The following FGF12 variants were observed in gnomAD, a reference collection of about 807,000 sequenced individuals.
The protein encoded by FGF12 is fibroblast growth factor 12, also known as fibroblast growth factor 12B.
In FGF12, 14 loss-of-function variants were observed where a neutral mutation model predicts 23.6. The ratio of observed to expected loss-of-function variants is 0.59; its 90% CI spans 0.39 to 0.93. The LOEUF (loss-of-function observed/expected upper bound fraction) is 0.93. Ranked by LOEUF, FGF12 falls within the 40% of genes least tolerant of loss-of-function variation. The pLI is 0.00. For synonymous variants in FGF12, 62 were observed against 77.3 expected (o/e 0.80, Z 1.04); for missense variants, 175 against 217.8 (o/e 0.80, Z 1.24).
intron 4 of FGF12, among the ~76,000 whole-genome samples, chr3:192,245,780 G>T (rs1447993821): frequency 6.6e-6 from 1 of 152,168 alleles, no homozygotes; most frequent in Non-Finnish European, 1.5e-5. Flanking sequence ...CAGTAACAAT[G>T]CCTGGGGAGA....
At chr3:192,503,044 C>T (rs1724179605) in intron 2 of FGF12, among the ~76,000 whole-genome samples, 1 of 152,104 alleles carries the variant, frequency 6.6e-6, no homozygotes. Flanking sequence ...TGCGCCTCAG[C>T]GGTTCTGAGT....
intron 2 of FGF12, among the ~76,000 whole-genome samples, chr3:192,718,498 C>T (rs111592677): frequency 6.6e-6 from 1 of 152,186 alleles, no homozygotes. Flanking sequence ...AATCTTGCCT[C>T]TAATCCACTC....
chr3:192,660,550 T>A (rs994399608), intron 2 of FGF12, among the ~76,000 whole-genome samples: 3 of 151,136 alleles, frequency 2.0e-5, no homozygotes, highest in Admixed American at 6.6e-5. Context: ...GGACGTAATG[T>A]AAAGTTGTTG....
intron 2 of FGF12, among the ~76,000 whole-genome samples, chr3:192,484,711 C>G (rs1247966841): frequency 6.6e-6 from 1 of 152,156 alleles, no homozygotes; most frequent in Non-Finnish European, 1.5e-5. Context: ...GCTGAATCGA[C>G]AGGCCCACAT....
intron 4 of FGF12, among the ~76,000 whole-genome samples, chr3:192,210,006 T>C (rs1247255882): frequency 6.6e-6 from 1 of 152,232 alleles, no homozygotes; most frequent in Non-Finnish European, 1.5e-5. Context: ...CTTCTGTTTT[T>C]GCCATGGTGC....
intron 4 of FGF12, among the ~76,000 whole-genome samples, chr3:192,316,119 T>C (rs1560066380): frequency 6.6e-6 from 1 of 152,160 alleles, no homozygotes; most frequent in Non-Finnish European, 1.5e-5. Flanking sequence ...CCCTCTGTGG[T>C]ATTAAGATGG....
At chr3:192,315,872 A>G (rs2108677371) in intron 4 of FGF12, among the ~76,000 whole-genome samples, 1 of 152,324 alleles carries the variant, frequency 6.6e-6, no homozygotes, top group Non-Finnish European at 1.5e-5. Context: ...ATGGAGCTTC[A>G]GCTTTTTCAG....
At chr3:192,515,002 G>A (rs1053900329) in intron 2 of FGF12, 2 of 274,992 alleles carry the variant, frequency 7.3e-6, no homozygotes, top group Non-Finnish European at 1.1e-5. Context: ...CGGTGGGCTC[G>A]AGCACGGCCC....
At chr3:192,298,724 ACAAG>A (rs1715178719) in intron 4 of FGF12, among the ~76,000 whole-genome samples, 1 of 152,134 alleles carries the variant, frequency 6.6e-6, no homozygotes, top group African/African-American at 2.4e-5. Flanking sequence ...AGCCTGGGTG[ACAAG>A]CAAGTCTCTG....
chr3:192,713,876 T>C (rs1386865394), intron 2 of FGF12, among the ~76,000 whole-genome samples: 1 of 152,154 alleles, frequency 6.6e-6, no homozygotes, highest in Non-Finnish European at 1.5e-5. Flanking sequence ...AAAAGTGAAA[T>C]CTTTGTGGAG....
intron 2 of FGF12, among the ~76,000 whole-genome samples, chr3:192,723,825 T>G: frequency 1.6e-5 from 2 of 127,334 alleles, no homozygotes; most frequent in African/African-American, 3.1e-5. Context: ...GTGATATAGG[T>G]GGGGGTCAGT....
At chr3:192,431,575 A>G (rs1721861451) in intron 2 of FGF12, among the ~76,000 whole-genome samples, 2 of 152,198 alleles carry the variant, frequency 1.3e-5, no homozygotes, top group Non-Finnish European at 2.9e-5. Flanking sequence ...AATCAGTTCA[A>G]AATACAAAAC....
rs180724231 is a variant in FGF12 at position 192,376,355 on chromosome 3, T to C, written c.14-15817A>G. Among the ~76,000 whole-genome samples the C allele has an allele frequency of 1.3e-3, 191 of 151,464 alleles. 4 individuals carry two copies. The East Asian group carries it at 0.033, about 26-fold the overall frequency. On this transcript the variant is annotated intron_variant, in intron 2 of 5. Coordinates refer to ENST00000445105, the MANE Select transcript of FGF12 (RefSeq NM_004113.6). ...ATTAATTTAATTTTATTTATTTATT[T>C]ATTTATTTTTATTTTTATTTTTTTG...
chr3:192,197,990 G>C (rs1293414866), intron 4 of FGF12, among the ~76,000 whole-genome samples: 1 of 146,968 alleles, frequency 6.8e-6, no homozygotes, highest in Non-Finnish European at 1.5e-5. Context: ...GGGGTCCCGA[G>C]TGCCAAACTA....
intron 2 of FGF12, among the ~76,000 whole-genome samples, chr3:192,547,389 A>T (rs553107173): frequency 3.3e-5 from 5 of 152,038 alleles, no homozygotes; most frequent in African/African-American, 1.2e-4. Context: ...ATAGTTCTCA[A>T]CTCCCTCAAG....
chr3:192,419,092 T>TG (rs1721443263), intron 2 of FGF12, among the ~76,000 whole-genome samples: 1 of 152,202 alleles, frequency 6.6e-6, no homozygotes, highest in Non-Finnish European at 1.5e-5. Flanking sequence ...GTCTGAAATA[T>TG]GGGGTCAGGT....
At chr3:192,191,831 G>A (rs1388828680) in intron 4 of FGF12, among the ~76,000 whole-genome samples, 9 of 137,838 alleles carry the variant, frequency 6.5e-5, no homozygotes, top group African/African-American at 5.9e-5. Context: ...GCGAGACTCC[G>A]TCTCAAAAAA....
At chr3:192,224,757 CA>C (rs771014125) in intron 4 of FGF12, among the ~76,000 whole-genome samples, 7 of 151,986 alleles carry the variant, frequency 4.6e-5, no homozygotes, top group Middle Eastern at 3.2e-3. Flanking sequence ...GGCATGATGT[CA>C]ATAAAACTCG....
chr3:192,495,856 G>A (rs1458013678), intron 2 of FGF12, among the ~76,000 whole-genome samples: 2 of 152,022 alleles, frequency 1.3e-5, no homozygotes, highest in East Asian at 1.9e-4. Context: ...TATATACAGG[G>A]TTTCCCATGT....
Sources: allele counts gnomAD v4.1 joint callset (sites outside exome capture counted in the v4.1 genomes callset), GRCh38; gene constraint gnomAD v4.1.1; transcripts MANE v1.5; gene names NCBI Gene and HGNC (gene_info 2026-07-23, HGNC 2026-07-21).